DENND6A: variants seen among roughly 807,000 people sequenced by gnomAD.
DENND6A encodes protein DENND6A.
DENND6A carries 43 observed loss-of-function variants against 95.5 expected under a neutral mutation model. The ratio of observed to expected loss-of-function variants is 0.45; its 90% CI spans 0.35 to 0.58. The LOEUF is 0.58. Ranked by LOEUF, DENND6A falls within the 20% of genes least tolerant of loss-of-function variation. The pLI is 0.00. For missense variants in DENND6A, 574 were observed against 736.0 expected (o/e 0.78, Z 2.55); for synonymous variants, 257 against 260.4 (o/e 0.99, Z 0.13).
At chr3:57,632,325 A>G (rs1286904801) in intron 15 of DENND6A, among the ~76,000 whole-genome samples, 1 of 150,816 alleles carries the variant, frequency 6.6e-6, no homozygotes, top group African/African-American at 2.4e-5. Flanking sequence ...CGCCCAGTCC[A>G]TGCTCTTTTT....
intron 7 of DENND6A, 42 bp downstream of exon 7, chr3:57,660,718 A>G: frequency 6.5e-7 from 1 of 1,543,256 alleles, no homozygotes; most frequent in South Asian, 1.2e-5. Flanking sequence ...AAAAAAATAA[A>G]AATAAAAATA....
intron 16 of DENND6A, 44 bp downstream of exon 16, chr3:57,630,881 T>A: frequency 6.2e-7 from 1 of 1,610,754 alleles, no homozygotes. Flanking sequence ...TCACAGAAGT[T>A]AATTACAGTT....
chr3:57,639,094 T>TCA (rs1054647861), intron 12 of DENND6A, among the ~76,000 whole-genome samples: 29 of 151,694 alleles, frequency 1.9e-4, no homozygotes, highest in African/African-American at 6.1e-4. Context: ...CAAGACCCTA[T>TCA]CACACACACA....
At chr3:57,658,242 A>C (rs1205691984) in intron 8 of DENND6A, among the ~76,000 whole-genome samples, 1 of 152,116 alleles carries the variant, frequency 6.6e-6, no homozygotes, top group Non-Finnish European at 1.5e-5. Flanking sequence ...TCTCAAAAAA[A>C]AAAAAAGAAT....
intron 1 of DENND6A, chr3:57,679,426 C>T: frequency 1.2e-6 from 1 of 868,372 alleles, no homozygotes; most frequent in Non-Finnish European, 1.4e-6. Flanking sequence ...CCTATCATCT[C>T]TTCTTCACTT....
intron 1 of DENND6A, among the ~76,000 whole-genome samples, chr3:57,681,089 A>G (rs770422624): frequency 1.3e-5 from 2 of 152,196 alleles, no homozygotes; most frequent in African/African-American, 2.4e-5. Context: ...TCGTACACAA[A>G]TTTTCATATT....
At chr3:57,644,534 C>T (rs561956284) in intron 11 of DENND6A, among the ~76,000 whole-genome samples, 7 of 150,938 alleles carry the variant, frequency 4.6e-5, no homozygotes, top group African/African-American at 1.7e-4. Context: ...TCTCTAACTC[C>T]TGGACTTAAG....
chr3:57,690,266 G>A (rs1361181896), intron 1 of DENND6A, among the ~76,000 whole-genome samples: 1 of 152,206 alleles, frequency 6.6e-6, no homozygotes, highest in Non-Finnish European at 1.5e-5. Context: ...AGCACTTTGG[G>A]AGGCTGAGGT....
chr3:57,634,774 A>C lies in DENND6A; in HGVS notation c.1133-5T>G. ...TAACCTGCTTAGGAATTTCACCTGA[A>C]GGAAGCAGCATAAAGATTTTTATAA... On this transcript the variant is annotated splice_region_variant and splice_polypyrimidine_tract_variant and intron_variant, in intron 12 of 19. Coordinates refer to ENST00000311128, the MANE Select transcript of DENND6A (RefSeq NM_152678.3). 1 of 1,551,458 alleles carries C rather than the reference A, an allele frequency of 6.4e-7. No individual in the cohort carries two copies.
At chr3:57,636,112 A>C (rs1006895087) in intron 12 of DENND6A, among the ~76,000 whole-genome samples, 5 of 152,182 alleles carry the variant, frequency 3.3e-5, no homozygotes, top group African/African-American at 1.2e-4. Flanking sequence ...TCTGATCAAC[A>C]GTAGGCTGTT....
intron 9 of DENND6A, among the ~76,000 whole-genome samples, chr3:57,647,291 A>C (rs2071099162): frequency 6.6e-6 from 1 of 152,192 alleles, no homozygotes; most frequent in South Asian, 2.1e-4. Context: ...CCACAAAAGA[A>C]ACAAACAACA....
chr3:57,674,229 T>C (rs984822168), intron 1 of DENND6A, among the ~76,000 whole-genome samples: 3 of 151,872 alleles, frequency 2.0e-5, no homozygotes, highest in African/African-American at 7.2e-5. Flanking sequence ...AAAAATTAGC[T>C]GGGCGTGGTG....
intron 3 of DENND6A, among the ~76,000 whole-genome samples, chr3:57,671,995 T>C (rs1422935746): frequency 6.6e-6 from 1 of 152,234 alleles, no homozygotes; most frequent in Non-Finnish European, 1.5e-5. Context: ...AATATACCAA[T>C]GTCGCTGATT....
rs202120160 is a variant in DENND6A at position 57,626,820 on chromosome 3, C to T, written c.*1394G>A. On this transcript the variant is annotated 3_prime_UTR_variant, in exon 20 of 20. Transcript: ENST00000311128. ...TTTTGGCAAGGTAGTATTGTTTAAA[C>T]AAAACAGAAACAAAAACAACAACAA... 2.0e-5 allele frequency: 3 copies of T among 152,274 alleles called. No homozygotes were observed. The highest frequency in any genetic ancestry group is 2.0e-4 in the Admixed American group (3 of 15,240). The allele number at this position is 152,274 out of a possible 1,614,324, so 9.4% of individuals were successfully genotyped here.
intron 12 of DENND6A, among the ~76,000 whole-genome samples, chr3:57,637,144 A>G (rs1219958248): frequency 3.9e-5 from 6 of 152,142 alleles, no homozygotes; most frequent in Non-Finnish European, 5.9e-5. Flanking sequence ...TCTTCACAAT[A>G]AGAGTTTATT....
At chr3:57,673,756 G>A (rs1362443821) in intron 1 of DENND6A, among the ~76,000 whole-genome samples, 2 of 151,632 alleles carry the variant, frequency 1.3e-5, no homozygotes, top group African/African-American at 4.8e-5. Flanking sequence ...TTTTGTTTTT[G>A]TTTTTGAGAA....
chr3:57,668,846 T>C (rs1259059775), intron 3 of DENND6A, among the ~76,000 whole-genome samples: 2 of 152,154 alleles, frequency 1.3e-5, no homozygotes, highest in Non-Finnish European at 2.9e-5. Context: ...TCCTGGGAAA[T>C]AACAAATTCA....
At chr3:57,681,275 C>T (rs1377577274) in intron 1 of DENND6A, among the ~76,000 whole-genome samples, 1 of 152,002 alleles carries the variant, frequency 6.6e-6, no homozygotes, top group Non-Finnish European at 1.5e-5. Flanking sequence ...ACCATCCTGG[C>T]TAACACAGTG....
chr3:57,682,541 A>C (rs1378864609), intron 1 of DENND6A, among the ~76,000 whole-genome samples: 7 of 152,110 alleles, frequency 4.6e-5, no homozygotes, highest in African/African-American at 1.7e-4. Flanking sequence ...ATTTTTCCTC[A>C]ATAAATATTG....
Sources: allele counts gnomAD v4.1 joint callset (sites outside exome capture counted in the v4.1 genomes callset), GRCh38; gene constraint gnomAD v4.1.1; transcripts MANE v1.5; gene names NCBI Gene and HGNC (gene_info 2026-07-23, HGNC 2026-07-21).